ATL2: variants seen among roughly 807,000 people sequenced by gnomAD.
The protein encoded by ATL2 is atlastin-2.
A neutral mutation model predicts 73.9 loss-of-function variants in ATL2; 31 were observed. That is an observed-to-expected ratio of 0.42 (90% CI 0.32 to 0.57). ATL2 has a LOEUF of 0.57. ATL2 is among the 20% of genes least tolerant of loss of function. ATL2 has a pLI of 0.14. For missense variants in ATL2, 738 were observed against 702.6 expected (o/e 1.05, Z -0.57); for synonymous variants, 291 against 237.5 (o/e 1.23, Z -2.07).
chr2:38,333,967 G>C (rs1381082620), intron 2 of ATL2, among the ~76,000 whole-genome samples: 5 of 151,226 alleles, frequency 3.3e-5, no homozygotes, highest in Non-Finnish European at 5.9e-5. Context: ...CAAAGTCTCA[G>C]CAGCAGGGAC....
intron 2 of ATL2, among the ~76,000 whole-genome samples, chr2:38,320,877 G>A (rs1177584723): frequency 3.3e-5 from 5 of 152,084 alleles, no homozygotes; most frequent in Non-Finnish European, 7.3e-5. Context: ...AGGCACAGTG[G>A]CTCACGCCTG....
At chr2:38,306,797 C>T (rs1010738386) in intron 9 of ATL2, among the ~76,000 whole-genome samples, 3 of 152,102 alleles carry the variant, frequency 2.0e-5, no homozygotes, top group African/African-American at 7.2e-5. Flanking sequence ...TCTTACTGAA[C>T]TGGGAAAAAA....
chr2:38,325,803 T>A (rs72803191), intron 2 of ATL2, among the ~76,000 whole-genome samples: 6 of 144,944 alleles, frequency 4.1e-5, no homozygotes, highest in African/African-American at 1.5e-4. Flanking sequence ...GAAAACTACT[T>A]TACCAGAGCT....
chr2:38,375,609 C>G (rs1389342050), intron 1 of ATL2, among the ~76,000 whole-genome samples: 1 of 151,946 alleles, frequency 6.6e-6, no homozygotes, highest in Admixed American at 6.6e-5. Flanking sequence ...TTTGAAACTG[C>G]ATCTAAAACT....
intron 2 of ATL2, among the ~76,000 whole-genome samples, chr2:38,320,362 C>A (rs535959448): frequency 6.6e-6 from 1 of 152,128 alleles, no homozygotes; most frequent in South Asian, 2.1e-4. Context: ...ATATGCCTGG[C>A]ATTTGCTTTA....
chr2:38,310,479 A>T, intron 7 of ATL2, 32 bp from the exon 8 acceptor site: 1 of 1,567,556 alleles, frequency 6.4e-7, no homozygotes, highest in Non-Finnish European at 8.6e-7. Flanking sequence ...TGAAATTGTA[A>T]ACAGAAGAAA....
In ATL2 at chr2:38,296,007, A is replaced by C. The variant is rs569319619; in HGVS notation, c.1739T>G (p.Leu580Ter). ...GGAGATGAACTGTCAGTCTGTCTTT[A>C]ATCTGGCATGATGAGACACCTGGTC... ...LTDQVSHHAR[L>*]KTD The change falls in exon 13 of 13, where the codon TTA becomes TGA. Residue 580 changes from leucine (L) to a stop codon, truncating the protein, a stop_gained. Coordinates refer to ENST00000378954, the MANE Select transcript of ATL2 (RefSeq NM_001135673.4). LOFTEE classifies it high-confidence loss of function. 2 of 1,550,088 alleles carry C rather than the reference A, an allele frequency of 1.3e-6. No individual in the cohort carries two copies. The highest frequency in any genetic ancestry group is 1.7e-6 in the Non-Finnish European group (2 of 1,145,336).
intron 1 of ATL2, among the ~76,000 whole-genome samples, chr2:38,350,164 A>G (rs1251383825): frequency 1.3e-5 from 2 of 152,208 alleles, no homozygotes; most frequent in African/African-American, 4.8e-5. Flanking sequence ...TAGAATAGTG[A>G]TTTTATTTCC....
chr2:38,334,929 T>TTATAATATATAAATATATTTATA (rs1172679731), intron 2 of ATL2, among the ~76,000 whole-genome samples: 1 of 137,222 alleles, frequency 7.3e-6, no homozygotes, highest in African/African-American at 2.7e-5. Flanking sequence ...TATTTATATA[T>TTATAATATATAAATATATTTATA]TATAATATAT....
intron 9 of ATL2, among the ~76,000 whole-genome samples, chr2:38,302,519 G>A (rs1345791568): frequency 6.6e-6 from 1 of 152,140 alleles, no homozygotes; most frequent in Non-Finnish European, 1.5e-5. Context: ...ACCCATTGCT[G>A]TGCTGCCTTC....
At chr2:38,349,875 G>A (rs1670242332) in intron 1 of ATL2, among the ~76,000 whole-genome samples, 1 of 152,130 alleles carries the variant, frequency 6.6e-6, no homozygotes, top group Non-Finnish European at 1.5e-5. Flanking sequence ...GAGAAGGGTA[G>A]CAAATAGATT....
chr2:38,327,461 C>G (rs1430630864), intron 2 of ATL2, among the ~76,000 whole-genome samples: 1 of 119,350 alleles, frequency 8.4e-6, no homozygotes, highest in Non-Finnish European at 1.7e-5. Context: ...TAAGAGAGTA[C>G]AGAAAACGCA....
chr2:38,331,227 G>C (rs1252202075), intron 2 of ATL2, among the ~76,000 whole-genome samples: 2 of 152,040 alleles, frequency 1.3e-5, no homozygotes, highest in Non-Finnish European at 2.9e-5. Flanking sequence ...GAGGTCAAGA[G>C]ATGGAGACCA....
chr2:38,324,847 C>T (rs151150669), intron 2 of ATL2, among the ~76,000 whole-genome samples: 1,710 of 152,256 alleles, frequency 0.011, 33 homozygotes, highest in African/African-American at 0.037. Context: ...TTCATAGGGA[C>T]AGAAAGTAGA....
intron 9 of ATL2, 82 bp downstream of exon 9, chr2:38,309,297 C>A: frequency 7.5e-7 from 1 of 1,336,572 alleles, no homozygotes; most frequent in South Asian, 1.6e-5. Flanking sequence ...AAAATAAAGA[C>A]AAGAAATTTC....
intron 9 of ATL2, among the ~76,000 whole-genome samples, chr2:38,304,883 C>G (rs1293533585): frequency 6.6e-6 from 1 of 152,030 alleles, no homozygotes; most frequent in Non-Finnish European, 1.5e-5. Flanking sequence ...CACAAAACCA[C>G]CAGAAAACAG....
chr2:38,306,998 T>C (rs763574234), intron 9 of ATL2, among the ~76,000 whole-genome samples: 1 of 152,148 alleles, frequency 6.6e-6, no homozygotes, highest in African/African-American at 2.4e-5. Context: ...TCTAGCCATA[T>C]ACAAAAATCA....
chr2:38,300,449 T>A, intron 9 of ATL2, 121 bp from the exon 10 acceptor site: 1 of 631,850 alleles, frequency 1.6e-6, no homozygotes. Flanking sequence ...TTCTAGGCTT[T>A]AAAAATCACC....
At chr2:38,364,521 C>T (rs1323709407) in intron 1 of ATL2, among the ~76,000 whole-genome samples, 1 of 152,216 alleles carries the variant, frequency 6.6e-6, no homozygotes, top group African/African-American at 2.4e-5. Context: ...AAACATCATT[C>T]TCTGTGGCCT....
Sources: gnomAD v4.1 joint callset for allele counts (sites outside exome capture counted in the v4.1 genomes callset) on GRCh38, gnomAD v4.1.1 for gene constraint, MANE v1.5 for transcripts, NCBI Gene and HGNC (gene_info 2026-07-23, HGNC 2026-07-21) for gene names.